HECW2: variants seen among roughly 807,000 people sequenced by gnomAD.
HECW2 encodes HECT, C2 and WW domain containing E3 ubiquitin protein ligase 2.
A neutral mutation model predicts 175.2 loss-of-function variants in HECW2; 61 were observed. The observed-to-expected ratio is 0.35, with a 90% confidence interval of 0.28 to 0.43. HECW2 has a LOEUF of 0.43. Among genes scored for constraint, HECW2 ranks in the 20% least tolerant of loss-of-function variants. The pLI is 1.00. For synonymous variants in HECW2, 671 were observed against 731.0 expected (o/e 0.92, Z 1.32); for missense variants, 1,524 against 2,000.5 (o/e 0.76, Z 4.54).
At chr2:196,247,034 C>T (rs572301331) in intron 19 of HECW2, among the ~76,000 whole-genome samples, 1 of 151,816 alleles carries the variant, frequency 6.6e-6, no homozygotes, top group Non-Finnish European at 1.5e-5. Context: ...AGGCTGAGGT[C>T]GGTGGATCAT....
chr2:196,414,442 C>G (rs1446444997), intron 2 of HECW2, among the ~76,000 whole-genome samples: 3 of 152,176 alleles, frequency 2.0e-5, no homozygotes, highest in South Asian at 4.1e-4. Flanking sequence ...ATAAAATGTG[C>G]TTAGGAGGCA....
At chr2:196,254,693 T>A (rs1463825474) in intron 18 of HECW2, among the ~76,000 whole-genome samples, 2 of 152,218 alleles carry the variant, frequency 1.3e-5, no homozygotes, top group African/African-American at 4.8e-5. Context: ...AGTGTCAGTT[T>A]GTACTCCAAT....
intron 13 of HECW2, among the ~76,000 whole-genome samples, chr2:196,305,027 A>G (rs4300849): frequency 0.07 from 10,648 of 152,270 alleles, 435 homozygotes; most frequent in East Asian, 0.14. Flanking sequence ...TCTCAAATCC[A>G]AACCTGTCTA....
chr2:196,469,552 T>C lies in HECW2; in HGVS notation c.-35-36094A>G, dbSNP rs558814873. ...TATATTTAAAAAATAAAAAATGTAA[T>C]AAAAAGTATAGGGGTACTGAAACAA... On this transcript the variant is annotated intron_variant, in intron 1 of 28. Coordinates refer to ENST00000644978, the MANE Select transcript of HECW2 (RefSeq NM_001348768.2). Among the ~76,000 whole-genome samples, 3 of 152,044 alleles carry C rather than the reference T, an allele frequency of 2.0e-5. No homozygotes were observed. In the South Asian group the frequency reaches 6.2e-4, roughly 32 times the overall value.
intron 1 of HECW2, among the ~76,000 whole-genome samples, chr2:196,522,566 T>C (rs1688443825): frequency 6.6e-6 from 1 of 152,152 alleles, no homozygotes. Flanking sequence ...GCCTATGTCC[T>C]GAATGGTAAT....
At chr2:196,294,053 A>G (rs1308506594) in intron 13 of HECW2, among the ~76,000 whole-genome samples, 1 of 151,990 alleles carries the variant, frequency 6.6e-6, no homozygotes, top group South Asian at 2.1e-4. Context: ...TTCCCTGTGT[A>G]TATTTGGTTG....
intron 1 of HECW2, among the ~76,000 whole-genome samples, chr2:196,591,504 A>G (rs1691190377): frequency 6.6e-6 from 1 of 152,246 alleles, no homozygotes; most frequent in Non-Finnish European, 1.5e-5. Context: ...TGCCAATGAA[A>G]TAATCAAAAC....
At position 196,215,024 on chromosome 2, in the gene HECW2, T is replaced by C. The variant is rs184318144; in HGVS notation, c.4607+841A>G. On this transcript the variant is annotated intron_variant, in intron 28 of 28. Transcript: ENST00000644978. Reference sequence around the variant, plus strand: ...CTCTAGAGTATAGTTGTATTATTAGTAAAGTTAGAGGCAATTTCAGCTCCT... The same window carrying C: ...CTCTAGAGTATAGTTGTATTATTAGCAAAGTTAGAGGCAATTTCAGCTCCT... Among the ~76,000 whole-genome samples, 4 of 152,336 alleles carry C rather than the reference T, an allele frequency of 2.6e-5. No individual in the cohort carries two copies. The East Asian group carries it at 7.7e-4, about 29-fold the overall frequency.
At chr2:196,366,717 T>C (rs1326915106) in intron 2 of HECW2, among the ~76,000 whole-genome samples, 1 of 152,208 alleles carries the variant, frequency 6.6e-6, no homozygotes, top group Non-Finnish European at 1.5e-5. Context: ...TGGTGAACTT[T>C]GTGTTAACGT....
intron 19 of HECW2, among the ~76,000 whole-genome samples, chr2:196,244,561 C>G (rs1024738006): frequency 6.6e-6 from 1 of 152,108 alleles, no homozygotes; most frequent in Non-Finnish European, 1.5e-5. Flanking sequence ...GCCTGCCCCC[C>G]AAGCCCCGCA....
intron 1 of HECW2, among the ~76,000 whole-genome samples, chr2:196,561,062 C>T (rs1317268621): frequency 2.0e-5 from 3 of 152,154 alleles, no homozygotes; most frequent in East Asian, 3.9e-4. Context: ...TGCCTGGGAG[C>T]CAGGCAGGAC....
intron 1 of HECW2, among the ~76,000 whole-genome samples, chr2:196,517,195 G>A (rs969268892): frequency 6.6e-6 from 1 of 152,068 alleles, no homozygotes; most frequent in African/African-American, 2.4e-5. Context: ...ATATCCCTCA[G>A]GCTCATTAAA....
intron 1 of HECW2, among the ~76,000 whole-genome samples, chr2:196,555,223 A>G (rs1689753757): frequency 6.6e-6 from 1 of 152,178 alleles, no homozygotes. Flanking sequence ...TATCATCATT[A>G]TGGAGGCGGG....
At chr2:196,564,366 A>G (rs1450445158) in intron 1 of HECW2, among the ~76,000 whole-genome samples, 2 of 152,190 alleles carry the variant, frequency 1.3e-5, no homozygotes, top group Non-Finnish European at 2.9e-5. Flanking sequence ...ACATGAGATG[A>G]TATTATTGAA....
chr2:196,546,297 A>G (rs1173167842), intron 1 of HECW2, among the ~76,000 whole-genome samples: 1 of 152,136 alleles, frequency 6.6e-6, no homozygotes, highest in East Asian at 1.9e-4. Context: ...TCTCTCCCCA[A>G]ACCTTTGTCA....
chr2:196,439,240 A>G (rs1222938072), intron 1 of HECW2, among the ~76,000 whole-genome samples: 1 of 152,232 alleles, frequency 6.6e-6, no homozygotes, highest in Non-Finnish European at 1.5e-5. Flanking sequence ...TAATTAATGC[A>G]TTATTTAGTC....
intron 1 of HECW2, among the ~76,000 whole-genome samples, chr2:196,590,426 G>A (rs1269377660): frequency 6.6e-6 from 1 of 152,166 alleles, no homozygotes; most frequent in Non-Finnish European, 1.5e-5. Context: ...TTCACCCAAT[G>A]CTGCCATTCC....
At chr2:196,572,630 C>G (rs1026203682) in intron 1 of HECW2, among the ~76,000 whole-genome samples, 14 of 152,176 alleles carry the variant, frequency 9.2e-5, no homozygotes, top group African/African-American at 2.9e-4. Flanking sequence ...TTTGTGCTTG[C>G]CCCCTCCAAA....
intron 2 of HECW2, among the ~76,000 whole-genome samples, chr2:196,379,119 G>A (rs1397647517): frequency 1.3e-5 from 2 of 151,878 alleles, no homozygotes; most frequent in African/African-American, 4.8e-5. Flanking sequence ...CATTCTCAAG[G>A]ACAACAGATA....
Sources: gnomAD v4.1 joint callset for allele counts (sites outside exome capture counted in the v4.1 genomes callset) on GRCh38, gnomAD v4.1.1 for gene constraint, MANE v1.5 for transcripts, NCBI Gene and HGNC (gene_info 2026-07-23, HGNC 2026-07-21) for gene names.